EYA1: variants seen among roughly 807,000 people sequenced by gnomAD.
The protein encoded by EYA1 is protein phosphatase EYA1.
A neutral mutation model predicts 82.0 loss-of-function variants in EYA1; 16 were observed. That is an observed-to-expected ratio of 0.20 (90% confidence interval 0.13 to 0.30). The LOEUF (loss-of-function observed/expected upper bound fraction) is 0.30. EYA1 is among the 10% of genes least tolerant of loss of function. The probability of loss-of-function intolerance (pLI) is 1.00; values close to 1 mark genes in which losing one functional copy is unlikely to be tolerated. For synonymous variants in EYA1, 261 were observed against 264.4 expected (o/e 0.99, Z 0.12); for missense variants, 633 against 730.7 (o/e 0.87, Z 1.54).
At chr8:71,458,252 A>T (rs1354317822) in intron 2 of EYA1, among the ~76,000 whole-genome samples, 1 of 152,202 alleles carries the variant, frequency 6.6e-6, no homozygotes, top group Non-Finnish European at 1.5e-5. Context: ...TGACTTATAT[A>T]GTCTGAGGTA....
intron 11 of EYA1, among the ~76,000 whole-genome samples, chr8:71,251,691 G>A (rs912852009): frequency 6.6e-6 from 1 of 152,154 alleles, no homozygotes; most frequent in Admixed American, 6.5e-5. Flanking sequence ...CCTCTGTCAA[G>A]TGGTCTTTAA....
At chr8:71,400,798 A>G (rs1027682782) in intron 2 of EYA1, among the ~76,000 whole-genome samples, 4 of 152,208 alleles carry the variant, frequency 2.6e-5, no homozygotes, top group African/African-American at 9.6e-5. Context: ...ATATACCCAA[A>G]GGAATATAAA....
At position 71,322,268 on chromosome 8, in the gene EYA1, G is replaced by T; in HGVS notation, c.203C>A (p.Ala68Glu). 5 of 1,613,312 alleles carry T rather than the reference G, an allele frequency of 3.1e-6. No individual in the cohort carries two copies. Among genetic ancestry groups the T allele is most frequent in the Non-Finnish European group, 4.2e-6 (5 of 1,179,390 alleles). ...DGSLNNFSGS[A>E]IGSSSFSPRP... is the part of the protein sequence containing the mutation. ...TGGGCTGAAACTACTGCTCCCAATT[G>T]CTGGAAAACAAAAACAAAACAAAAT... The change falls in exon 5 of 18, where the codon GCA becomes GAA. Residue 68 changes from alanine (A) to glutamate (E), a missense_variant and splice_region_variant. Ala to Glu is a moderately radical substitution (Grantham distance 107, BLOSUM62 -1). Coordinates refer to ENST00000340726, the MANE Select transcript of EYA1 (RefSeq NM_000503.6).
chr8:71,380,011 C>A (rs2129099011), intron 2 of EYA1, among the ~76,000 whole-genome samples: 1 of 152,286 alleles, frequency 6.6e-6, no homozygotes, highest in African/African-American at 2.4e-5. Flanking sequence ...CACTCAGGAT[C>A]AGCACCCGGC....
chr8:71,199,374 G>A lies in EYA1; in HGVS notation c.1745C>T (p.Ala582Val). ...CTCCAGTTCCAAGGCATGGTGCAGG[G>A]CCATGAGGTCCGAGTGGCTGGAGAT... Reference protein sequence around the residue: ...WRISSHSDLMALHHALELEYL With the variant: ...WRISSHSDLMVLHHALELEYL Residue 582 changes from alanine (A) to valine (V), a missense_variant, in exon 18 of 18, where the codon GCC (alanine) becomes GTC (valine). Coordinates refer to ENST00000340726, the MANE Select transcript of EYA1 (RefSeq NM_000503.6). 1.9e-6 allele frequency: 3 copies of A among 1,613,244 alleles called. No individual in the cohort carries two copies. Among genetic ancestry groups the A allele is most frequent in the Non-Finnish European group, 2.5e-6 (3 of 1,179,756 alleles).
intron 2 of EYA1, chr8:71,530,048 T>A (rs751473859): frequency 6.6e-6 from 1 of 152,172 alleles, no homozygotes; most frequent in African/African-American, 2.4e-5. Context: ...TAAGTAGAAA[T>A]CCTAATCCCC....
At chr8:71,316,773 T>C (rs1434584686) in intron 7 of EYA1, among the ~76,000 whole-genome samples, 1 of 152,194 alleles carries the variant, frequency 6.6e-6, no homozygotes, top group Non-Finnish European at 1.5e-5. Flanking sequence ...CCAAATATGA[T>C]TCGTTGAACT....
At chr8:71,275,044 C>A (rs1816995462) in intron 9 of EYA1, among the ~76,000 whole-genome samples, 1 of 150,292 alleles carries the variant, frequency 6.7e-6, no homozygotes, top group Non-Finnish European at 1.5e-5. Context: ...AAAAAGAACA[C>A]AGAGATGAGG....
intron 2 of EYA1, among the ~76,000 whole-genome samples, chr8:71,432,518 C>T (rs887619226): frequency 2.0e-5 from 3 of 152,156 alleles, no homozygotes; most frequent in Admixed American, 1.3e-4. Context: ...TCTTTGGTTT[C>T]TTCTGGAGCC....
intron 1 of EYA1, 51 bp from the exon 2 acceptor site, chr8:71,356,562 T>C: frequency 6.5e-7 from 1 of 1,544,918 alleles, no homozygotes; most frequent in Non-Finnish European, 8.7e-7. Context: ...TGCTTCAGTG[T>C]CAGCTCTTAA....
intron 2 of EYA1, among the ~76,000 whole-genome samples, chr8:71,479,916 C>T (rs1809998017): frequency 6.6e-6 from 1 of 152,090 alleles, no homozygotes; most frequent in Non-Finnish European, 1.5e-5. Flanking sequence ...CTGCCTTTTC[C>T]ACAAGCAGTC....
At chr8:71,484,261 A>G (rs750531294) in intron 2 of EYA1, among the ~76,000 whole-genome samples, 4 of 152,380 alleles carry the variant, frequency 2.6e-5, no homozygotes, top group South Asian at 4.1e-4. Flanking sequence ...GTGTAAAAGC[A>G]TAAACAAGAG....
intron 1 of EYA1, among the ~76,000 whole-genome samples, chr8:71,543,280 G>T (rs1263069827): frequency 1.3e-5 from 2 of 152,150 alleles, no homozygotes; most frequent in Non-Finnish European, 2.9e-5. Flanking sequence ...GCAAACAGTG[G>T]TTACCTGGAG....
At chr8:71,441,173 T>C (rs1440039471) in intron 2 of EYA1, among the ~76,000 whole-genome samples, 1 of 152,160 alleles carries the variant, frequency 6.6e-6, no homozygotes, top group East Asian at 1.9e-4. Context: ...ATGAACACTG[T>C]ATATATGCAA....
chr8:71,436,722 TAAAAC>T (rs1215292957), intron 2 of EYA1, among the ~76,000 whole-genome samples: 2 of 152,096 alleles, frequency 1.3e-5, no homozygotes, highest in Non-Finnish European at 2.9e-5. Flanking sequence ...TAATGACACT[TAAAAC>T]AAAGAGAAAT....
intron 2 of EYA1, among the ~76,000 whole-genome samples, chr8:71,492,541 T>C (rs1811089220): frequency 6.6e-6 from 1 of 151,432 alleles, no homozygotes; most frequent in Admixed American, 6.6e-5. Flanking sequence ...CTCAGCTCAC[T>C]GCAAGCTCCG....
At chr8:71,287,080 G>C (rs1455508762) in intron 9 of EYA1, among the ~76,000 whole-genome samples, 1 of 151,882 alleles carries the variant, frequency 6.6e-6, no homozygotes, top group Non-Finnish European at 1.5e-5. Context: ...GATTACAGGC[G>C]TGAGACACCC....
intron 3 of EYA1, among the ~76,000 whole-genome samples, chr8:71,353,050 T>C (rs1466094793): frequency 6.6e-6 from 1 of 152,244 alleles, no homozygotes; most frequent in Non-Finnish European, 1.5e-5. Flanking sequence ...GTATATTCTA[T>C]TGAGCAAAAT....
intron 2 of EYA1, among the ~76,000 whole-genome samples, chr8:71,451,643 T>C (rs556784986): frequency 7.2e-5 from 11 of 152,362 alleles, no homozygotes; most frequent in South Asian, 2.1e-4. Flanking sequence ...CAGAAGGTCA[T>C]AATTATGTGG....
Sources: allele counts gnomAD v4.1 joint callset (sites outside exome capture counted in the v4.1 genomes callset), GRCh38; gene constraint gnomAD v4.1.1; transcripts MANE v1.5; gene names NCBI Gene and HGNC (gene_info 2026-07-23, HGNC 2026-07-21).